Variants in ZBTB16 observed in about 807,000 individuals in gnomAD.
ZBTB16 encodes the protein zinc finger and BTB domain-containing protein 16.
In ZBTB16, 8 loss-of-function variants were observed where a neutral mutation model predicts 56.8. That is an observed-to-expected ratio of 0.14 (90% CI 0.08 to 0.25). The LOEUF (loss-of-function observed/expected upper bound fraction) is 0.25, where lower values mean the gene tolerates loss of function less well. Among genes scored for constraint, ZBTB16 ranks in the 10% least tolerant of loss-of-function variants. The pLI is 1.00. For synonymous variants in ZBTB16, 363 were observed against 368.5 expected (o/e 0.98, Z 0.17); for missense variants, 625 against 903.0 (o/e 0.69, Z 3.95).
chr11:114,127,423 A>G (rs780545135), intron 2 of ZBTB16, among the ~76,000 whole-genome samples: 3 of 152,182 alleles, frequency 2.0e-5, no homozygotes, highest in Non-Finnish European at 4.4e-5. Flanking sequence ...GCCCCCTCAG[A>G]TAATTCCAAT....
intron 2 of ZBTB16, among the ~76,000 whole-genome samples, chr11:114,067,771 G>A (rs1277620138): frequency 6.6e-6 from 1 of 152,152 alleles, no homozygotes; most frequent in African/African-American, 2.4e-5. Flanking sequence ...AGAGCCAGGG[G>A]CAGTGCCTTT....
intron 4 of ZBTB16, among the ~76,000 whole-genome samples, chr11:114,193,128 T>A (rs766813323): frequency 1.3e-5 from 2 of 152,052 alleles, no homozygotes; most frequent in African/African-American, 2.4e-5. Context: ...TCCCCAGAGA[T>A]CTTGTGGATG....
At chr11:114,118,971 G>T (rs922308799) in intron 2 of ZBTB16, among the ~76,000 whole-genome samples, 9 of 151,934 alleles carry the variant, frequency 5.9e-5, no homozygotes, top group Non-Finnish European at 1.0e-4. Flanking sequence ...TTGTTACAAA[G>T]AATTTAGAGG....
intron 3 of ZBTB16, among the ~76,000 whole-genome samples, chr11:114,159,696 A>G (rs1403355814): frequency 6.6e-6 from 1 of 152,106 alleles, no homozygotes. Flanking sequence ...TACAGATTCC[A>G]GTAGTGGTTT....
chr11:114,132,373 C>T (rs542974991), intron 2 of ZBTB16, among the ~76,000 whole-genome samples: 1 of 152,280 alleles, frequency 6.6e-6, no homozygotes, highest in East Asian at 1.9e-4. Context: ...GAATCACTCA[C>T]AAAGGGCAGC....
chr11:114,137,780 A>G (rs986621494), intron 2 of ZBTB16, among the ~76,000 whole-genome samples: 1 of 152,188 alleles, frequency 6.6e-6, no homozygotes, highest in African/African-American at 2.4e-5. Flanking sequence ...AAGGCAATGG[A>G]GAAATGTCCA....
Position 114,249,039 on chromosome 11 carries a change from G to A in ZBTB16, c.1793-1287G>A, listed in dbSNP as rs182561155. 3.7e-3 allele frequency among the ~76,000 whole-genome samples: 557 copies of A among 152,254 alleles called. 3 individuals are homozygous for A. The highest frequency in any genetic ancestry group is 0.021 in the South Asian group (103 of 4,822). ...TCAGCTCTAGGGGACTCTATGGAAG[G>A]AAAGTTGGGGTATAGAACGCTAGGG... On this transcript the variant is annotated intron_variant, in intron 6 of 6. Coordinates refer to ENST00000335953, the MANE Select transcript of ZBTB16 (RefSeq NM_006006.6).
rs1286683138 is a variant in ZBTB16 at position 114,251,388 on chromosome 11, A to G, written c.*833A>G. Among the ~76,000 whole-genome samples, 1 of 152,162 alleles carries G rather than the reference A, an allele frequency of 6.6e-6. No homozygotes were observed. Among genetic ancestry groups the G allele is most frequent in the East Asian group, 1.9e-4 (1 of 5,190 alleles). On this transcript the variant is annotated 3_prime_UTR_variant, in exon 7 of 7. Transcript: ENST00000335953. ...ATCCAATACCCCACCCTAGTCCAGC[A>G]CCATCGTGAGCAAGATTCCTGCTGC...
At chr11:114,168,836 C>T (rs1305026100) in intron 3 of ZBTB16, among the ~76,000 whole-genome samples, 1 of 152,146 alleles carries the variant, frequency 6.6e-6, no homozygotes, top group African/African-American at 2.4e-5. Flanking sequence ...TTGGCTGCTG[C>T]CTGTGTGCCT....
chr11:114,074,845 G>A (rs190307755), intron 2 of ZBTB16, among the ~76,000 whole-genome samples: 5 of 152,374 alleles, frequency 3.3e-5, no homozygotes, highest in Middle Eastern at 3.4e-3. Flanking sequence ...TGTGCAGGAT[G>A]CTTGGGATTT....
At chr11:114,222,819 A>T (rs777776447) in intron 4 of ZBTB16, among the ~76,000 whole-genome samples, 3 of 152,132 alleles carry the variant, frequency 2.0e-5, no homozygotes, top group Non-Finnish European at 4.4e-5. Context: ...AAAACAGTAT[A>T]TCATATATAT....
intron 4 of ZBTB16, among the ~76,000 whole-genome samples, chr11:114,234,639 A>G (rs905666094): frequency 6.6e-6 from 1 of 152,226 alleles, no homozygotes; most frequent in African/African-American, 2.4e-5. Context: ...CTTGAAAAGG[A>G]GGTGAGTCCT....
chr11:114,241,866 C>G (rs1358599895), intron 4 of ZBTB16, among the ~76,000 whole-genome samples: 1 of 152,180 alleles, frequency 6.6e-6, no homozygotes, highest in African/African-American at 2.4e-5. Context: ...GTCTTAGTAC[C>G]TTGCCGCCTT....
chr11:114,209,477 G>GC, intron 4 of ZBTB16: 1 of 985,318 alleles, frequency 1.0e-6, no homozygotes, highest in Non-Finnish European at 1.2e-6. Context: ...ATCCCCAGAG[G>GC]CCCCTCTCCC....
chr11:114,189,680 C>T (rs890939696), intron 4 of ZBTB16: 3 of 151,334 alleles, frequency 2.0e-5, no homozygotes, highest in Non-Finnish European at 4.4e-5. Context: ...GCAGGAGAAT[C>T]ACTTGAACCA....
chr11:114,233,372 G>A (rs1047207185), intron 4 of ZBTB16, among the ~76,000 whole-genome samples: 2 of 152,014 alleles, frequency 1.3e-5, no homozygotes, highest in Non-Finnish European at 2.9e-5. Flanking sequence ...CTGGGAGGAA[G>A]GGAGGAGGAT....
At chr11:114,136,936 C>G (rs1941812255) in intron 2 of ZBTB16, among the ~76,000 whole-genome samples, 1 of 152,066 alleles carries the variant, frequency 6.6e-6, no homozygotes, top group Admixed American at 6.5e-5. Flanking sequence ...ATTTTCCTGC[C>G]TCACCAAGAT....
intron 2 of ZBTB16, among the ~76,000 whole-genome samples, chr11:114,066,594 C>A (rs1939126882): frequency 6.6e-6 from 1 of 152,092 alleles, no homozygotes; most frequent in Admixed American, 6.5e-5. Context: ...ACAAAAGATA[C>A]CACTCTCCTG....
intron 2 of ZBTB16, among the ~76,000 whole-genome samples, chr11:114,071,387 T>C (rs1262593314): frequency 6.6e-6 from 1 of 152,164 alleles, no homozygotes. Context: ...TTCATCTCAG[T>C]GAGAAGTCCC....
Sources: gnomAD v4.1 joint callset for allele counts (sites outside exome capture counted in the v4.1 genomes callset) on GRCh38, gnomAD v4.1.1 for gene constraint, MANE v1.5 for transcripts, NCBI Gene and HGNC (gene_info 2026-07-23, HGNC 2026-07-21) for gene names.